DSCAM: variants seen among roughly 807,000 people sequenced by gnomAD.
The protein encoded by DSCAM is DS cell adhesion molecule.
Under a neutral mutation model 217.7 loss-of-function variants are expected in DSCAM, and 47 were observed. The ratio of observed to expected loss-of-function variants is 0.22; its 90% CI spans 0.17 to 0.28. The LOEUF (loss-of-function observed/expected upper bound fraction) is 0.28. Among genes scored for constraint, DSCAM ranks in the 10% least tolerant of loss-of-function variants. The probability of loss-of-function intolerance (pLI) is 1.00; values close to 1 mark genes in which losing one functional copy is unlikely to be tolerated. For synonymous variants in DSCAM, 1,056 were observed against 1,015.3 expected (o/e 1.04, Z -0.76); for missense variants, 2,080 against 2,618.3 (o/e 0.79, Z 4.49).
chr21:40,616,327 G>A (rs1228772754), intron 3 of DSCAM, among the ~76,000 whole-genome samples: 1 of 152,092 alleles, frequency 6.6e-6, no homozygotes, highest in African/African-American at 2.4e-5. Flanking sequence ...AATTAATAAG[G>A]TTGTTTTGTA....
intron 20 of DSCAM, among the ~76,000 whole-genome samples, chr21:40,116,598 C>T (rs1259052294): frequency 6.6e-6 from 1 of 151,618 alleles, no homozygotes; most frequent in African/African-American, 2.4e-5. Flanking sequence ...GCACAAAGGT[C>T]TCATGTATAT....
At chr21:40,178,900 A>G in intron 15 of DSCAM, 27 bp downstream of exon 15, 1 of 1,612,160 alleles carries the variant, frequency 6.2e-7, no homozygotes, top group Non-Finnish European at 8.5e-7. Context: ...GCTCCTCTGG[A>G]GCAAGGTTCC....
intron 1 of DSCAM, among the ~76,000 whole-genome samples, chr21:40,757,516 T>C (rs1405006471): frequency 6.6e-6 from 1 of 152,182 alleles, no homozygotes; most frequent in East Asian, 1.9e-4. Context: ...CTTGCTTTAG[T>C]CACAGGAATA....
chr21:40,439,914 A>G (rs957096106), intron 3 of DSCAM, among the ~76,000 whole-genome samples: 2 of 152,204 alleles, frequency 1.3e-5, no homozygotes, highest in Admixed American at 1.3e-4. Flanking sequence ...AACACATGGG[A>G]ATTCAAGATG....
chr21:40,251,085 A>G (rs76144242), intron 11 of DSCAM, among the ~76,000 whole-genome samples: 2,009 of 152,294 alleles, frequency 0.013, 44 homozygotes, highest in African/African-American at 0.046. Flanking sequence ...TCTGTCATCA[A>G]TGAAATATGG....
chr21:40,070,127 T>C (rs1250751706), intron 27 of DSCAM, among the ~76,000 whole-genome samples: 2 of 151,802 alleles, frequency 1.3e-5, no homozygotes, highest in Non-Finnish European at 2.9e-5. Context: ...CATAACAAGT[T>C]TGATGTTTTA....
At chr21:40,691,141 TCTC>T (rs371015138) in intron 3 of DSCAM, among the ~76,000 whole-genome samples, 13 of 152,200 alleles carry the variant, frequency 8.5e-5, no homozygotes, top group African/African-American at 3.1e-4. Context: ...GATTTCCAGT[TCTC>T]CTCTTCCTTC....
chr21:40,537,557 G>C (rs1029859996), intron 3 of DSCAM, among the ~76,000 whole-genome samples: 12 of 151,912 alleles, frequency 7.9e-5, no homozygotes, highest in African/African-American at 2.9e-4. Flanking sequence ...TTTGGAAATA[G>C]GGTTGTCACA....
At chr21:40,178,118 C>A (rs2093035722) in intron 15 of DSCAM, among the ~76,000 whole-genome samples, 1 of 152,196 alleles carries the variant, frequency 6.6e-6, no homozygotes, top group Admixed American at 6.5e-5. Flanking sequence ...TCTCCTCCTG[C>A]CAGGAGGCGG....
intron 11 of DSCAM, among the ~76,000 whole-genome samples, chr21:40,253,679 G>A (rs565888691): frequency 6.6e-6 from 1 of 152,328 alleles, no homozygotes; most frequent in Non-Finnish European, 1.5e-5. Flanking sequence ...ATAAAACTTA[G>A]ATAAAAACTC....
chr21:40,788,755 G>C (rs2091614497), intron 1 of DSCAM, among the ~76,000 whole-genome samples: 1 of 152,136 alleles, frequency 6.6e-6, no homozygotes, highest in Admixed American at 6.5e-5. Flanking sequence ...TTCTGTAAAA[G>C]CATATGGAAG....
chr21:40,278,133 G>T (rs1399508602), intron 10 of DSCAM, among the ~76,000 whole-genome samples: 1 of 151,900 alleles, frequency 6.6e-6, no homozygotes, highest in East Asian at 1.9e-4. Flanking sequence ...AAATATATTG[G>T]CAAAAAACCA....
chr21:40,225,232 T>A (rs2091321624), intron 11 of DSCAM, among the ~76,000 whole-genome samples: 2 of 152,188 alleles, frequency 1.3e-5, no homozygotes, highest in South Asian at 4.1e-4. Flanking sequence ...TCCCTTCTCT[T>A]TACTGCCTGC....
At chr21:40,354,811 T>G (rs2074673247) in intron 4 of DSCAM, among the ~76,000 whole-genome samples, 1 of 136,882 alleles carries the variant, frequency 7.3e-6, no homozygotes, top group South Asian at 2.2e-4. Context: ...ATAGCGCCAC[T>G]GCAGTCCGGC....
intron 1 of DSCAM, among the ~76,000 whole-genome samples, chr21:40,712,412 G>A (rs1036234138): frequency 2.2e-5 from 3 of 138,560 alleles, no homozygotes; most frequent in African/African-American, 5.5e-5. Context: ...GCAGTGAGCC[G>A]AGATTGCGCC....
intron 3 of DSCAM, among the ~76,000 whole-genome samples, chr21:40,395,736 A>G (rs1348845203): frequency 6.6e-6 from 1 of 152,218 alleles, no homozygotes; most frequent in Non-Finnish European, 1.5e-5. Context: ...GACAAAGTCT[A>G]TTAAAGATTT....
chr21:40,605,586 T>G (rs935927815), intron 3 of DSCAM, among the ~76,000 whole-genome samples: 4 of 152,092 alleles, frequency 2.6e-5, no homozygotes, highest in Admixed American at 2.6e-4. Context: ...TAAGTGAACA[T>G]GGCTGCGTCC....
chr21:40,197,511 T>A (rs971949480), intron 11 of DSCAM, among the ~76,000 whole-genome samples: 2 of 152,130 alleles, frequency 1.3e-5, no homozygotes, highest in African/African-American at 4.8e-5. Flanking sequence ...CTATCCCTAA[T>A]GCAAAGTTCT....
intron 3 of DSCAM, among the ~76,000 whole-genome samples, chr21:40,539,301 G>A (rs1378297168): frequency 6.6e-6 from 1 of 151,734 alleles, no homozygotes; most frequent in Non-Finnish European, 1.5e-5. Context: ...TCAGGAGATT[G>A]AGACCATGGT....
Sources: allele counts gnomAD v4.1 joint callset (sites outside exome capture counted in the v4.1 genomes callset), GRCh38; gene constraint gnomAD v4.1.1; transcripts MANE v1.5; gene names NCBI Gene and HGNC (gene_info 2026-07-23, HGNC 2026-07-21).